The following TRIM24 variants were observed in gnomAD, a reference collection of about 807,000 sequenced individuals.
The protein encoded by TRIM24 is transcription intermediary factor 1-alpha.
A neutral mutation model predicts 123.9 loss-of-function variants in TRIM24; 29 were observed. The ratio of observed to expected loss-of-function variants is 0.23; its 90% CI spans 0.17 to 0.32. TRIM24 has a LOEUF of 0.32. Ranked by LOEUF, TRIM24 falls within the 10% of genes least tolerant of loss-of-function variation. TRIM24 has a pLI of 1.00. For missense variants in TRIM24, 932 were observed against 1,295.3 expected, an observed-to-expected ratio of 0.72 and a Z score of 4.31; for synonymous variants, 456 against 461.1, an observed-to-expected ratio of 0.99 and a Z score of 0.14.
At chr7:138,486,117 G>T (rs887697420) in intron 1 of TRIM24, among the ~76,000 whole-genome samples, 1 of 152,120 alleles carries the variant, frequency 6.6e-6, no homozygotes, top group Non-Finnish European at 1.5e-5. Context: ...TCATGTGTCC[G>T]TTGGCTGCAT....
chr7:138,499,080 CTTTTTT>C (rs539329594), intron 1 of TRIM24, among the ~76,000 whole-genome samples: 30 of 150,762 alleles, frequency 2.0e-4, no homozygotes, highest in African/African-American at 4.6e-4. Flanking sequence ...GTGGATTTGT[CTTTTTT>C]TTTAATTTTT....
intron 1 of TRIM24, among the ~76,000 whole-genome samples, chr7:138,477,641 CTT>C (rs1795432897): frequency 6.6e-6 from 1 of 152,108 alleles, no homozygotes; most frequent in Non-Finnish European, 1.5e-5. Flanking sequence ...CACAAAAAAA[CTT>C]ATATTGCATT....
chr7:138,522,330 C>G (rs1243310254), intron 4 of TRIM24, among the ~76,000 whole-genome samples: 1 of 151,094 alleles, frequency 6.6e-6, no homozygotes, highest in Non-Finnish European at 1.5e-5. Context: ...CAGCAAAACT[C>G]CATCTCAAAA....
rs1214012964 is a variant in TRIM24 at position 138,481,844 on chromosome 7, T to G, written c.364+20932T>G. ...AAAAGAAAAAAGAAAATATTTTATTTTAAAAGCTCTATAATTTTTCCTTCA... is the reference window on the plus strand; with the variant it reads ...AAAAGAAAAAAGAAAATATTTTATTGTAAAAGCTCTATAATTTTTCCTTCA... On this transcript the variant is annotated intron_variant, in intron 1 of 18. Transcript: ENST00000343526. Among the ~76,000 whole-genome samples the G allele has an allele frequency of 2.0e-5, 3 of 152,156 alleles. No individual in the cohort carries two copies. The East Asian group carries it at 5.8e-4, about 29-fold the overall frequency.
At chr7:138,499,568 A>G (rs1795988325) in intron 1 of TRIM24, among the ~76,000 whole-genome samples, 1 of 152,160 alleles carries the variant, frequency 6.6e-6, no homozygotes, top group African/African-American at 2.4e-5. Context: ...CAGGAGCAAC[A>G]TGTTTCACTG....
intron 2 of TRIM24, among the ~76,000 whole-genome samples, chr7:138,508,700 C>CGCGCGCGCGCGTGT (rs1182276337): frequency 5.6e-5 from 2 of 35,510 alleles, no homozygotes; most frequent in Non-Finnish European, 8.0e-5. Context: ...TGTGCGCGCG[C>CGCGCGCGCGCGTGT]GTGTGTGCGT....
chr7:138,462,337 T>C (rs990065119), intron 1 of TRIM24, among the ~76,000 whole-genome samples: 4 of 146,616 alleles, frequency 2.7e-5, no homozygotes, highest in Non-Finnish European at 4.5e-5. Context: ...AGTGCAAAAA[T>C]CTTTTTTTTT....
At chr7:138,483,045 G>A (rs1233796086) in intron 1 of TRIM24, among the ~76,000 whole-genome samples, 2 of 152,056 alleles carry the variant, frequency 1.3e-5, no homozygotes, top group Non-Finnish European at 2.9e-5. Flanking sequence ...ATCCTCTCGA[G>A]TAGCTGGGAC....
At chr7:138,568,579 G>GGTA (rs2116665734) in intron 10 of TRIM24, among the ~76,000 whole-genome samples, 1 of 151,506 alleles carries the variant, frequency 6.6e-6, no homozygotes, top group African/African-American at 2.4e-5. Context: ...TAGAGACAGG[G>GGTA]TTTCACCATG....
chr7:138,490,522 C>A, intron 1 of TRIM24: 1 of 197,982 alleles, frequency 5.1e-6, no homozygotes. Context: ...CTCCTAGCCC[C>A]TGGTAACCTC....
rs1024404181 is a variant in TRIM24 at position 138,460,465 on chromosome 7, C to T, written c.-84C>T. On this transcript the variant is annotated 5_prime_UTR_variant, in exon 1 of 19. Coordinates refer to ENST00000343526, the MANE Select transcript of TRIM24 (RefSeq NM_015905.3). ...AGTCCACCGAGCGGCCTCTGAGGAG[C>T]AGCCGCAGGAGGAGGAGGAGGTCGT... 2.4e-6 allele frequency: 3 copies of T among 1,231,670 alleles called. No individual in the cohort carries two copies. Among genetic ancestry groups the T allele is most frequent in the Non-Finnish European group, 3.1e-6 (3 of 982,506 alleles). 76.3% of individuals were successfully genotyped at this position (1,231,670 alleles called of 1,614,324 possible). A position where few individuals can be genotyped will look rare whatever the true frequency, so the allele number is the denominator to read the frequency against.
intron 9 of TRIM24, among the ~76,000 whole-genome samples, chr7:138,560,531 C>T (rs1015786902): frequency 5.3e-5 from 8 of 152,050 alleles, no homozygotes; most frequent in Non-Finnish European, 1.2e-4. Flanking sequence ...TTCCTGGGGC[C>T]GAGTGGGCCC....
intron 1 of TRIM24, among the ~76,000 whole-genome samples, chr7:138,487,890 T>A (rs1478190974): frequency 6.6e-6 from 1 of 152,238 alleles, no homozygotes; most frequent in African/African-American, 2.4e-5. Flanking sequence ...CCTGTTTTTC[T>A]GTTGATTGGA....
intron 12 of TRIM24, 123 bp from the exon 13 acceptor site, chr7:138,576,250 A>T: frequency 1.1e-6 from 1 of 928,566 alleles, no homozygotes; most frequent in East Asian, 2.5e-5. Flanking sequence ...GCAACTACTT[A>T]CTGTTTCATA....
chr7:138,544,490 C>T (rs1797063330), intron 7 of TRIM24, among the ~76,000 whole-genome samples: 1 of 152,142 alleles, frequency 6.6e-6, no homozygotes, highest in African/African-American at 2.4e-5. Context: ...GTGTAGATAT[C>T]TCTACAAGGT....
At chr7:138,569,946 C>CTTT (rs535279990) in intron 10 of TRIM24, among the ~76,000 whole-genome samples, 5 of 136,090 alleles carry the variant, frequency 3.7e-5, no homozygotes, top group African/African-American at 1.1e-4. Flanking sequence ...TCAAGTCATC[C>CTTT]TTTTTTTTTT....
At chr7:138,531,681 T>C (rs988589051) in intron 6 of TRIM24, among the ~76,000 whole-genome samples, 1 of 152,188 alleles carries the variant, frequency 6.6e-6, no homozygotes, top group Non-Finnish European at 1.5e-5. Flanking sequence ...TAAACATACG[T>C]GTGCATGTGT....
chr7:138,543,775 G>T (rs1797048600), intron 7 of TRIM24, among the ~76,000 whole-genome samples: 1 of 152,064 alleles, frequency 6.6e-6, no homozygotes, highest in African/African-American at 2.4e-5. Context: ...TAACATTTTT[G>T]ATATACATAA....
chr7:138,477,388 G>A (rs1014767151), intron 1 of TRIM24, among the ~76,000 whole-genome samples: 5 of 152,210 alleles, frequency 3.3e-5, no homozygotes, highest in Admixed American at 1.3e-4. Context: ...AGTTGGGAAG[G>A]AATTAGAGAA....
Sources: gnomAD v4.1 joint callset for allele counts (sites outside exome capture counted in the v4.1 genomes callset) on GRCh38, gnomAD v4.1.1 for gene constraint, MANE v1.5 for transcripts, NCBI Gene and HGNC (gene_info 2026-07-23, HGNC 2026-07-21) for gene names.